The following WDFY3 variants were observed in gnomAD, a reference collection of about 807,000 sequenced individuals.
WDFY3 encodes the protein WD repeat and FYVE domain containing 3, also known as WD repeat and FYVE domain-containing protein 3.
A neutral mutation model predicts 409.6 loss-of-function variants in WDFY3; 66 were observed. That is an observed-to-expected ratio of 0.16 (90% CI 0.13 to 0.20). WDFY3 has a LOEUF of 0.20. Among genes scored for constraint, WDFY3 ranks in the 10% least tolerant of loss-of-function variants. WDFY3 has a pLI of 1.00. For missense variants in WDFY3, 3,031 were observed against 4,298.1 expected (o/e 0.71, Z 8.24); for synonymous variants, 1,521 against 1,537.1 (o/e 0.99, Z 0.25).
intron 56 of WDFY3, among the ~76,000 whole-genome samples, chr4:84,701,931 A>G (rs1405938953): frequency 6.6e-6 from 1 of 152,220 alleles, no homozygotes; most frequent in Non-Finnish European, 1.5e-5. Context: ...ATGGGTTTCA[A>G]TAGTAATACT....
At chr4:84,922,844 T>TA (rs1347320717) in intron 2 of WDFY3, among the ~76,000 whole-genome samples, 1 of 152,086 alleles carries the variant, frequency 6.6e-6, no homozygotes, top group African/African-American at 2.4e-5. Context: ...CTCAGTCTCC[T>TA]AAAGTGCTGG....
intron 3 of WDFY3, among the ~76,000 whole-genome samples, chr4:84,890,585 AGCAGTAGAG>A (rs1319165850): frequency 6.6e-6 from 1 of 152,226 alleles, no homozygotes; most frequent in Non-Finnish European, 1.5e-5. Flanking sequence ...TGGAGCAAGC[AGCAGTAGAG>A]GCAGCTTTCT....
chr4:84,777,452 C>A (rs532599054), intron 27 of WDFY3, among the ~76,000 whole-genome samples: 23 of 151,918 alleles, frequency 1.5e-4, no homozygotes, highest in African/African-American at 5.1e-4. Flanking sequence ...ATATTAACAC[C>A]TGAAAGCTAG....
chr4:84,904,422 A>G (rs1766757496), intron 2 of WDFY3, among the ~76,000 whole-genome samples: 1 of 152,180 alleles, frequency 6.6e-6, no homozygotes, highest in Non-Finnish European at 1.5e-5. Flanking sequence ...TCAGAGAGGT[A>G]AAATTCAAAG....
intron 2 of WDFY3, among the ~76,000 whole-genome samples, chr4:84,922,727 A>G (rs1018810041): frequency 6.6e-6 from 1 of 151,964 alleles, no homozygotes; most frequent in South Asian, 2.1e-4. Context: ...TGGCACCATC[A>G]AAGCTCCCTG....
intron 50 of WDFY3, among the ~76,000 whole-genome samples, chr4:84,713,962 C>A (rs1733382060): frequency 6.6e-6 from 1 of 151,938 alleles, no homozygotes; most frequent in Non-Finnish European, 1.5e-5. Context: ...ACTAAAAATA[C>A]AAAAATTAGC....
chr4:84,858,898 G>A lies in WDFY3; in HGVS notation c.180+1514C>T, dbSNP rs1429674694. Among the ~76,000 whole-genome samples the A allele has an allele frequency of 2.6e-5, 4 of 151,910 alleles. No individual in the cohort carries two copies. In the East Asian group the frequency reaches 7.8e-4, roughly 29 times the overall value. ...AGAGACAGGGAAAGAAATAGGGACA[G>A]AGAGGAGACAAAGAGAGAAATGGGA... On this transcript the variant is annotated intron_variant, in intron 4 of 67. Transcript: ENST00000295888.
At chr4:84,748,645 C>T (rs1482268339) in intron 36 of WDFY3, among the ~76,000 whole-genome samples, 1 of 152,164 alleles carries the variant, frequency 6.6e-6, no homozygotes, top group Non-Finnish European at 1.5e-5. Flanking sequence ...TGGCCTCAGT[C>T]ACACTAAAGC....
At position 84,669,610 on chromosome 4, in the gene WDFY3, G is replaced by T. The variant is rs1725174181; in HGVS notation, c.*3258C>A. ...AAATTACTTAAGTACCTGGACTATT[G>T]CATTTAATCATGTATTGTAATTGTG... On this transcript the variant is annotated 3_prime_UTR_variant, in exon 68 of 68. Transcript: ENST00000295888. The T allele has an allele frequency of 6.8e-6, 1 of 147,384 alleles. No homozygotes were observed. The highest frequency in any genetic ancestry group is 6.9e-5 in the Admixed American group (1 of 14,552). The allele number at this position is 147,384 out of a possible 1,614,324, so 9.1% of individuals were successfully genotyped here. A position where few individuals can be genotyped will look rare whatever the true frequency, so the allele number is the denominator to read the frequency against.
intron 1 of WDFY3, among the ~76,000 whole-genome samples, chr4:84,954,375 A>G (rs72965176): frequency 0.018 from 2,802 of 152,280 alleles, 101 homozygotes; most frequent in African/African-American, 0.064. Flanking sequence ...TTACTCAACT[A>G]TGGCATTTAT....
At chr4:84,901,225 A>C (rs1766296127) in intron 2 of WDFY3, among the ~76,000 whole-genome samples, 1 of 152,170 alleles carries the variant, frequency 6.6e-6, no homozygotes, top group Non-Finnish European at 1.5e-5. Flanking sequence ...ATGGTTTGAA[A>C]ATTTCTCCTC....
intron 36 of WDFY3, among the ~76,000 whole-genome samples, chr4:84,747,435 G>GC (rs1739663729): frequency 6.6e-6 from 1 of 152,088 alleles, no homozygotes. Flanking sequence ...ATTTGCCATT[G>GC]TTTTTTGCTT....
chr4:84,946,569 T>A (rs1374545922), intron 1 of WDFY3, among the ~76,000 whole-genome samples: 1 of 152,066 alleles, frequency 6.6e-6, no homozygotes, highest in African/African-American at 2.4e-5. Context: ...AGCAGGGTTA[T>A]CTCTACTAGT....
chr4:84,803,743 A>G (rs994169011), intron 15 of WDFY3: 13 of 233,986 alleles, frequency 5.6e-5, no homozygotes, highest in Non-Finnish European at 1.0e-4. Flanking sequence ...TGATTAAAAA[A>G]TGACACCTGT....
At chr4:84,754,690 T>C (rs1741129733) in intron 34 of WDFY3, among the ~76,000 whole-genome samples, 1 of 152,212 alleles carries the variant, frequency 6.6e-6, no homozygotes, top group Non-Finnish European at 1.5e-5. Context: ...AAGTTAGACA[T>C]AATTAGAGCA....
intron 61 of WDFY3, among the ~76,000 whole-genome samples, chr4:84,688,467 A>G (rs1728693245): frequency 6.6e-6 from 1 of 152,160 alleles, no homozygotes; most frequent in South Asian, 2.1e-4. Flanking sequence ...CCACGGGGGT[A>G]GAGAGAAGCC....
intron 3 of WDFY3, among the ~76,000 whole-genome samples, chr4:84,889,032 T>A (rs774338028): frequency 6.6e-6 from 1 of 152,184 alleles, no homozygotes; most frequent in Non-Finnish European, 1.5e-5. Flanking sequence ...CTTAGACTAC[T>A]TCAAAAAGTT....
chr4:84,828,929 C>CA (rs1201463096), intron 9 of WDFY3, 75 bp downstream of exon 9: 1 of 1,417,354 alleles, frequency 7.1e-7, no homozygotes, highest in Admixed American at 2.5e-5. Flanking sequence ...CCTATAACCC[C>CA]AAATCACATT....
At chr4:84,733,832 G>A (rs1020272633) in intron 43 of WDFY3, among the ~76,000 whole-genome samples, 3 of 152,194 alleles carry the variant, frequency 2.0e-5, no homozygotes, top group South Asian at 4.1e-4. Flanking sequence ...GACATGGATA[G>A]GGTAGAGTGT....
Sources: gnomAD v4.1 joint callset for allele counts (sites outside exome capture counted in the v4.1 genomes callset) on GRCh38, gnomAD v4.1.1 for gene constraint, MANE v1.5 for transcripts, NCBI Gene and HGNC (gene_info 2026-07-23, HGNC 2026-07-21) for gene names.